Variants in PXDNL observed in about 807,000 individuals in gnomAD.
PXDNL encodes peroxidasin like.
A neutral mutation model predicts 150.8 loss-of-function variants in PXDNL; 145 were observed. The observed-to-expected ratio is 0.96, with a 90% CI of 0.84 to 1.10. The LOEUF is 1.10. PXDNL is among the 50% of genes least tolerant of loss of function. PXDNL has a pLI of 0.00. For missense variants in PXDNL, 2,087 were observed against 1,873.9 expected, an observed-to-expected ratio of 1.11 and a Z score of -2.10; for synonymous variants, 757 against 725.7, an observed-to-expected ratio of 1.04 and a Z score of -0.69.
At chr8:51,410,951 A>G (rs1402091619) in intron 16 of PXDNL, among the ~76,000 whole-genome samples, 1 of 152,202 alleles carries the variant, frequency 6.6e-6, no homozygotes, top group South Asian at 2.1e-4. Context: ...ATTTCTCTAT[A>G]AGACACAATA....
chr8:51,530,079 G>C (rs1811862419), intron 4 of PXDNL, among the ~76,000 whole-genome samples: 1 of 152,190 alleles, frequency 6.6e-6, no homozygotes, highest in Non-Finnish European at 1.5e-5. Context: ...TGAAGATAAA[G>C]CAGATAGACT....
chr8:51,537,570 A>G (rs1356633373), intron 4 of PXDNL, among the ~76,000 whole-genome samples: 1 of 152,192 alleles, frequency 6.6e-6, no homozygotes, highest in Admixed American at 6.5e-5. Context: ...AAAGAGCAAC[A>G]GGGGGGAAGA....
At chr8:51,484,962 T>G (rs1024677975) in intron 5 of PXDNL, among the ~76,000 whole-genome samples, 3 of 152,156 alleles carry the variant, frequency 2.0e-5, no homozygotes, top group African/African-American at 7.2e-5. Context: ...TGGAGACCAG[T>G]TTTCTTAAGA....
intron 1 of PXDNL, among the ~76,000 whole-genome samples, chr8:51,700,695 TACAC>T (rs937222957): frequency 6.6e-6 from 1 of 151,180 alleles, no homozygotes; most frequent in Non-Finnish European, 1.5e-5. Context: ...TGCATACACA[TACAC>T]ACAGACACAC....
At chr8:51,716,607 T>C (rs190121304) in intron 1 of PXDNL, among the ~76,000 whole-genome samples, 1 of 152,228 alleles carries the variant, frequency 6.6e-6, no homozygotes. Context: ...AGGATAATAG[T>C]GTAAGAGCTC....
intron 2 of PXDNL, among the ~76,000 whole-genome samples, chr8:51,593,103 T>C (rs1813480309): frequency 1.3e-5 from 2 of 152,156 alleles, no homozygotes; most frequent in Non-Finnish European, 1.5e-5. Flanking sequence ...ATCACAGATA[T>C]TGACACACAG....
At position 51,404,936 on chromosome 8, in the gene PXDNL, G is replaced by A. The variant is rs113539270; in HGVS notation, c.3557+3131C>T. On this transcript the variant is annotated intron_variant, in intron 17 of 22. Transcript: ENST00000356297. ...CCACGGCAAGGGTTGGGGGAGGCTC[G>A]GGCATGGTGGGCTGCAGGTCCGAGT... Among the ~76,000 whole-genome samples the A allele has an allele frequency of 5.3e-5, 8 of 152,162 alleles. No individual in the cohort carries two copies. The South Asian group carries it at 8.3e-4, about 16-fold the overall frequency.
chr8:51,748,404 A>T (rs77025783), intron 1 of PXDNL, among the ~76,000 whole-genome samples: 13,167 of 152,150 alleles, frequency 0.087, 743 homozygotes, highest in East Asian at 0.11. Flanking sequence ...GGGCCCTTAG[A>T]GGGAGAGCTG....
intron 2 of PXDNL, among the ~76,000 whole-genome samples, chr8:51,646,945 C>A (rs1444623302): frequency 6.6e-6 from 1 of 151,930 alleles, no homozygotes; most frequent in Non-Finnish European, 1.5e-5. Flanking sequence ...GAGAGAGAGC[C>A]GATGGCCTGG....
At chr8:51,537,573 G>A (rs1006781325) in intron 4 of PXDNL, among the ~76,000 whole-genome samples, 1 of 152,180 alleles carries the variant, frequency 6.6e-6, no homozygotes, top group South Asian at 2.1e-4. Context: ...GAGCAACAGG[G>A]GGGAAGAGGG....
intron 5 of PXDNL, among the ~76,000 whole-genome samples, chr8:51,495,255 A>G (rs1381039380): frequency 6.6e-6 from 1 of 152,200 alleles, no homozygotes; most frequent in Non-Finnish European, 1.5e-5. Context: ...ACAACATACC[A>G]GAATCTCTGG....
intron 5 of PXDNL, among the ~76,000 whole-genome samples, chr8:51,489,451 G>T (rs548814952): frequency 6.6e-6 from 1 of 152,244 alleles, no homozygotes; most frequent in East Asian, 1.9e-4. Flanking sequence ...AAGTAGCTGA[G>T]ACTACAGGTG....
intron 14 of PXDNL, 66 bp from the exon 15 acceptor site, chr8:51,413,324 G>GATATT: frequency 1.2e-6 from 1 of 865,776 alleles, no homozygotes; most frequent in Non-Finnish European, 1.9e-6. Flanking sequence ...GATATTATAT[G>GATATT]AATGGCATTA....
At chr8:51,320,693 AT>A (rs1270613033) in intron 22 of PXDNL, 90 bp downstream of exon 22, 6 of 910,128 alleles carry the variant, frequency 6.6e-6, no homozygotes, top group Non-Finnish European at 1.1e-5. Context: ...CATAAAATAT[AT>A]TTTTTCTCCT....
intron 4 of PXDNL, among the ~76,000 whole-genome samples, chr8:51,547,784 T>A (rs1812395663): frequency 6.6e-6 from 1 of 152,154 alleles, no homozygotes; most frequent in Non-Finnish European, 1.5e-5. Context: ...CAAAACACCG[T>A]TCTACAACAT....
At chr8:51,664,926 T>C (rs1815350062) in intron 1 of PXDNL, among the ~76,000 whole-genome samples, 1 of 152,154 alleles carries the variant, frequency 6.6e-6, no homozygotes, top group African/African-American at 2.4e-5. Context: ...TTCCTCTTCC[T>C]GGAATGCCCT....
In PXDNL at chr8:51,451,681, T is replaced by A. The variant is rs572076296; in HGVS notation, c.1249+1838A>T. Among the ~76,000 whole-genome samples the A allele has an allele frequency of 3.9e-5, 6 of 152,286 alleles. No homozygotes were observed. In the South Asian group the frequency reaches 1.2e-3, roughly 32 times the overall value. ...TTTTATTTGTGTTATTTTATTTTAG[T>A]CAGTCTAAAAAAGGAAGTTTATCTG... On this transcript the variant is annotated intron_variant, in intron 10 of 22. Coordinates refer to ENST00000356297, the MANE Select transcript of PXDNL (RefSeq NM_144651.5).
intron 8 of PXDNL, among the ~76,000 whole-genome samples, chr8:51,465,951 T>C (rs1307382607): frequency 6.6e-6 from 1 of 152,110 alleles, no homozygotes; most frequent in Non-Finnish European, 1.5e-5. Context: ...GAATCAATAT[T>C]GTTCAAATGG....
chr8:51,731,837 G>A (rs1468048211), intron 1 of PXDNL, among the ~76,000 whole-genome samples: 1 of 152,200 alleles, frequency 6.6e-6, no homozygotes, highest in Non-Finnish European at 1.5e-5. Flanking sequence ...TTTAGCCATG[G>A]CTGGGACACA....
Sources: allele counts gnomAD v4.1 joint callset (sites outside exome capture counted in the v4.1 genomes callset), GRCh38; gene constraint gnomAD v4.1.1; transcripts MANE v1.5; gene names NCBI Gene and HGNC (gene_info 2026-07-23, HGNC 2026-07-21).